The following SLC8A1 variants were observed in gnomAD, a reference collection of about 807,000 sequenced individuals.
The protein encoded by SLC8A1 is sodium/calcium exchanger 1.
SLC8A1 carries 18 observed loss-of-function variants against 68.3 expected under a neutral mutation model. The observed-to-expected ratio is 0.26, with a 90% CI of 0.18 to 0.39. SLC8A1 has a LOEUF of 0.39. Among genes scored for constraint, SLC8A1 ranks in the 10% least tolerant of loss-of-function variants. The pLI is 1.00. For missense variants in SLC8A1, 985 were observed against 1,156.7 expected, an observed-to-expected ratio of 0.85 and a Z score of 2.15; for synonymous variants, 475 against 415.5, an observed-to-expected ratio of 1.14 and a Z score of -1.74.
intron 2 of SLC8A1, among the ~76,000 whole-genome samples, chr2:40,317,330 T>A (rs1272215882): frequency 2.0e-5 from 3 of 152,090 alleles, no homozygotes; most frequent in African/African-American, 7.2e-5. Flanking sequence ...TGTAATCATA[T>A]TGGTTTTATG....
chr2:40,300,123 G>A (rs1205596772), intron 2 of SLC8A1, among the ~76,000 whole-genome samples: 3 of 152,102 alleles, frequency 2.0e-5, no homozygotes, highest in Non-Finnish European at 4.4e-5. Flanking sequence ...CCAGCCCTGA[G>A]GGCCCATGAA....
intron 1 of SLC8A1, among the ~76,000 whole-genome samples, chr2:40,492,953 T>C (rs1705419753): frequency 1.3e-5 from 2 of 152,190 alleles, no homozygotes; most frequent in South Asian, 4.2e-4. Context: ...CTCAGGGATC[T>C]AGAACTAGAA....
At chr2:40,379,628 G>A (rs1045312334) in intron 2 of SLC8A1, among the ~76,000 whole-genome samples, 11 of 150,284 alleles carry the variant, frequency 7.3e-5, no homozygotes, top group African/African-American at 2.7e-4. Flanking sequence ...TGTTTCCATA[G>A]CCTTCATGAT....
At chr2:40,429,152 T>G in exon 2 of SLC8A1, 6 of 1,613,208 alleles carry the variant, frequency 3.7e-6, no homozygotes, top group Non-Finnish European at 5.1e-6. Flanking sequence ...TTTAAAATGT[T>G]GCCAGCTCCA....
intron 2 of SLC8A1, among the ~76,000 whole-genome samples, chr2:40,402,464 T>C (rs574825965): frequency 2.0e-4 from 30 of 152,312 alleles, no homozygotes; most frequent in African/African-American, 7.0e-4. Flanking sequence ...ATTCCTTTAC[T>C]TTCTTAATAA....
intron 2 of SLC8A1, among the ~76,000 whole-genome samples, chr2:40,211,809 G>A (rs185971941): frequency 3.9e-4 from 59 of 152,272 alleles, no homozygotes; most frequent in Non-Finnish European, 6.8e-4. Context: ...TTTCATGGGA[G>A]TGATACAGAA....
intron 2 of SLC8A1, among the ~76,000 whole-genome samples, chr2:40,406,855 A>G (rs1034812935): frequency 1.3e-5 from 2 of 152,180 alleles, no homozygotes; most frequent in South Asian, 2.1e-4. Context: ...TTGAAACCGT[A>G]TATGATATGC....
chr2:40,433,747 A>G (rs1698838943), intron 1 of SLC8A1, among the ~76,000 whole-genome samples: 1 of 152,172 alleles, frequency 6.6e-6, no homozygotes. Flanking sequence ...CAAGACTGAT[A>G]TAACTAACTG....
intron 1 of SLC8A1, among the ~76,000 whole-genome samples, chr2:40,476,439 T>A (rs1704301954): frequency 6.6e-6 from 1 of 152,230 alleles, no homozygotes; most frequent in Non-Finnish European, 1.5e-5. Flanking sequence ...ATATTTCTAA[T>A]GTTAGATACT....
At chr2:40,368,053 T>A (rs1451049147) in intron 2 of SLC8A1, among the ~76,000 whole-genome samples, 2 of 152,082 alleles carry the variant, frequency 1.3e-5, no homozygotes, top group Non-Finnish European at 2.9e-5. Flanking sequence ...TCATGCACAT[T>A]TACATATTCC....
intron 2 of SLC8A1, among the ~76,000 whole-genome samples, chr2:40,235,456 C>T (rs1226425136): frequency 6.6e-6 from 1 of 152,010 alleles, no homozygotes; most frequent in African/African-American, 2.4e-5. Context: ...TCCCCTTTAT[C>T]ATTTTTTATT....
intron 2 of SLC8A1, among the ~76,000 whole-genome samples, chr2:40,250,050 G>T (rs2062498436): frequency 6.6e-6 from 1 of 152,170 alleles, no homozygotes; most frequent in Non-Finnish European, 1.5e-5. Flanking sequence ...CCAAGCCATT[G>T]TTCTGTAACC....
At chr2:40,234,435 T>C (rs1458265738) in intron 2 of SLC8A1, among the ~76,000 whole-genome samples, 1 of 152,162 alleles carries the variant, frequency 6.6e-6, no homozygotes, top group Non-Finnish European at 1.5e-5. Flanking sequence ...CTTGTGATTT[T>C]GGTACATTGA....
At chr2:40,364,509 C>CTTTTTTTTT (rs11377656) in intron 2 of SLC8A1, among the ~76,000 whole-genome samples, 2 of 148,682 alleles carry the variant, frequency 1.3e-5, no homozygotes, top group Non-Finnish European at 1.5e-5. Flanking sequence ...AAATTGAATC[C>CTTTTTTTTT]TTTTTTTTTG....
At chr2:40,445,754 G>A (rs1425292615) in intron 1 of SLC8A1, among the ~76,000 whole-genome samples, 1 of 152,150 alleles carries the variant, frequency 6.6e-6, no homozygotes, top group Non-Finnish European at 1.5e-5. Context: ...AAGAAGCACT[G>A]ACTGCCCAAC....
At chr2:40,185,818 G>A (rs2050595154) in intron 2 of SLC8A1, among the ~76,000 whole-genome samples, 2 of 152,298 alleles carry the variant, frequency 1.3e-5, no homozygotes, top group African/African-American at 2.4e-5. Context: ...CTAGTCTTTA[G>A]AAAAGGCTGT....
intron 2 of SLC8A1, among the ~76,000 whole-genome samples, chr2:40,304,897 C>T (rs1000906227): frequency 1.1e-4 from 16 of 152,136 alleles, no homozygotes; most frequent in Admixed American, 1.3e-4. Context: ...CATGGACTTC[C>T]GCTTTTGAGA....
intron 2 of SLC8A1, among the ~76,000 whole-genome samples, chr2:40,393,155 G>T (rs527727449): frequency 1.3e-5 from 2 of 152,104 alleles, no homozygotes; most frequent in South Asian, 4.1e-4. Context: ...AACATGTCAA[G>T]AACAAAGTTA....
chr2:40,106,578 A>G (rs1005895498), exon 8 of SLC8A1: 8 of 152,228 alleles, frequency 5.3e-5, no homozygotes, highest in African/African-American at 1.4e-4. Context: ...ATCTGTCTCA[A>G]ATAAGATCTG....
Sources: gnomAD v4.1 joint callset for allele counts (sites outside exome capture counted in the v4.1 genomes callset) on GRCh38, gnomAD v4.1.1 for gene constraint, MANE v1.5 for transcripts, NCBI Gene and HGNC (gene_info 2026-07-23, HGNC 2026-07-21) for gene names.